PTPRB: variants seen among roughly 807,000 people sequenced by gnomAD.
PTPRB encodes the protein protein tyrosine phosphatase receptor type B.
A neutral mutation model predicts 238.1 loss-of-function variants in PTPRB; 97 were observed. The observed-to-expected ratio is 0.41, with a 90% CI of 0.35 to 0.48. The LOEUF is 0.48. Ranked by LOEUF, PTPRB falls within the 20% of genes least tolerant of loss-of-function variation. PTPRB has a pLI of 0.30. For synonymous variants in PTPRB, 970 were observed against 995.4 expected, an observed-to-expected ratio of 0.97 and a Z score of 0.48; for missense variants, 2,292 against 2,681.9, an observed-to-expected ratio of 0.85 and a Z score of 3.21.
At chr12:70,588,731 C>T (rs1882191300) in intron 8 of PTPRB, among the ~76,000 whole-genome samples, 1 of 151,858 alleles carries the variant, frequency 6.6e-6, no homozygotes, top group Non-Finnish European at 1.5e-5. Context: ...GGTAGGCGGA[C>T]TGCTTGAGGC....
At position 70,519,104 on chromosome 12, in the gene PTPRB, A is replaced by G. The variant is rs545197056; in HGVS notation, c.*2385T>C. ...GAAGGTTTAAAATTAGGTGTAGGGT[A>G]GGAATAAACATTTCCTGGGTTGGAT... is the stretch of plus-strand genomic sequence containing the variant. On this transcript the variant is annotated 3_prime_UTR_variant, in exon 34 of 34. Transcript: ENST00000334414. 9 of 152,320 alleles carry G rather than the reference A, an allele frequency of 5.9e-5. No homozygotes were observed. Among genetic ancestry groups the G allele is most frequent in the Admixed American group, 5.9e-4 (9 of 15,290 alleles). 9.4% of individuals were successfully genotyped at this position (152,320 alleles called of 1,614,324 possible).
intron 31 of PTPRB, 44 bp from the exon 32 acceptor site, chr12:70,532,214 T>G: frequency 6.5e-7 from 1 of 1,529,980 alleles, no homozygotes; most frequent in Non-Finnish European, 8.8e-7. Flanking sequence ...TTATTAAATT[T>G]GCCTTTCAAG....
intron 14 of PTPRB, among the ~76,000 whole-genome samples, chr12:70,568,366 C>T (rs1270068319): frequency 6.6e-6 from 1 of 152,254 alleles, no homozygotes; most frequent in African/African-American, 2.4e-5. Context: ...GGCATGATCT[C>T]AGCTCACTGC....
chr12:70,622,353 G>A (rs774603265), intron 3 of PTPRB, 37 bp downstream of exon 3: 19 of 1,603,550 alleles, frequency 1.2e-5, no homozygotes, highest in East Asian at 2.2e-5. Context: ...CTCCTGAGAC[G>A]TGCACAGACC....
chr12:70,585,897 T>C (rs1207055216), intron 9 of PTPRB, among the ~76,000 whole-genome samples: 1 of 152,078 alleles, frequency 6.6e-6, no homozygotes, highest in Admixed American at 6.6e-5. Context: ...ACATGTGGTG[T>C]TTGATTTTCT....
intron 11 of PTPRB, 89 bp from the exon 12 acceptor site, chr12:70,572,176 G>T: frequency 2.3e-6 from 3 of 1,287,404 alleles, no homozygotes; most frequent in South Asian, 2.8e-5. Flanking sequence ...TAAAAAGAGA[G>T]AGTAGATTAT....
intron 2 of PTPRB, among the ~76,000 whole-genome samples, chr12:70,634,934 T>A (rs73328166): frequency 2.8e-3 from 425 of 152,356 alleles, no homozygotes; most frequent in African/African-American, 9.6e-3. Flanking sequence ...CACAATTGCA[T>A]GATTAACTTC....
intron 23 of PTPRB, chr12:70,540,367 G>GA (rs561713994): frequency 1.6e-3 from 349 of 221,924 alleles, no homozygotes; most frequent in African/African-American, 7.4e-3. Context: ...GCCAAATTAA[G>GA]AAAAAAAATT....
chr12:70,522,276 A>T (rs1400134296), intron 33 of PTPRB, among the ~76,000 whole-genome samples: 1 of 152,198 alleles, frequency 6.6e-6, no homozygotes, highest in Non-Finnish European at 1.5e-5. Flanking sequence ...ATACCAGTCC[A>T]CATGGCAAGG....
chr12:70,563,106 G>A lies in PTPRB; in HGVS notation c.3906C>T (p.Val1302=). The A allele has an allele frequency of 1.9e-6, 3 of 1,610,670 alleles. No individual in the cohort carries two copies. The highest frequency in any genetic ancestry group is 2.5e-6 in the Non-Finnish European group (3 of 1,177,924). Residue 1302 remains valine (V), a splice_region_variant and synonymous_variant, in exon 16 of 34, where the codon GTC becomes GTT. Transcript: ENST00000334414. ...SKEAQTEGRT[V]PAAVTDLRIT... ...TCCTCAGGTCGGTGACAGCTGCTGG[G>A]ACTGGAAAAGTCGAGGAGCAAGAGA...
chr12:70,530,970 G>T (rs766044554), intron 32 of PTPRB, among the ~76,000 whole-genome samples: 1 of 152,216 alleles, frequency 6.6e-6, no homozygotes, highest in Non-Finnish European at 1.5e-5. Flanking sequence ...CCCAGCCCAG[G>T]ACAATAGTGG....
intron 10 of PTPRB, among the ~76,000 whole-genome samples, chr12:70,577,210 C>A (rs570969371): frequency 1.1e-4 from 16 of 152,246 alleles, no homozygotes; most frequent in Admixed American, 9.2e-4. Flanking sequence ...GCATTTCCTG[C>A]CCTCTAGTGG....
intron 1 of PTPRB, among the ~76,000 whole-genome samples, chr12:70,637,049 T>C (rs1356138257): frequency 6.6e-6 from 1 of 152,206 alleles, no homozygotes; most frequent in Non-Finnish European, 1.5e-5. Context: ...CAGACTGTTA[T>C]ATAATAATAC....
chr12:70,615,426 G>T (rs1379830218), intron 3 of PTPRB, among the ~76,000 whole-genome samples: 1 of 152,158 alleles, frequency 6.6e-6, no homozygotes, highest in Admixed American at 6.5e-5. Context: ...TGTCTCTCTA[G>T]AACACATCTC....
At position 70,598,420 on chromosome 12, in the gene PTPRB, T is replaced by C. The variant is rs1020835470; in HGVS notation, c.980-2093A>G. Among the ~76,000 whole-genome samples the C allele has an allele frequency of 2.6e-5, 4 of 152,214 alleles. No individual in the cohort carries two copies. In the South Asian group the frequency reaches 8.3e-4, roughly 31 times the overall value. On this transcript the variant is annotated intron_variant, in intron 4 of 33. Coordinates refer to ENST00000334414, the MANE Select transcript of PTPRB (RefSeq NM_001109754.4). ...TTGCCACAGAAGCAGTGAAATGTAA[T>C]GGCAGACAGCATGGGCTTTGGAGTC... is the stretch of plus-strand genomic sequence containing the variant.
chr12:70,544,321 A>AT (rs1209547095), intron 22 of PTPRB, among the ~76,000 whole-genome samples: 1 of 152,186 alleles, frequency 6.6e-6, no homozygotes, highest in Admixed American at 6.5e-5. Flanking sequence ...AAAATAATTC[A>AT]TTTTTAATAG....
At chr12:70,579,776 A>G (rs1881184105) in intron 10 of PTPRB, among the ~76,000 whole-genome samples, 1 of 151,892 alleles carries the variant, frequency 6.6e-6, no homozygotes, top group African/African-American at 2.4e-5. Flanking sequence ...TACACCAGTG[A>G]ATTTCTACCA....
In PTPRB at chr12:70,569,947, G is replaced by T. The variant is rs559911258; in HGVS notation, c.3371-9C>A. 1 of 1,595,130 alleles carries T rather than the reference G, an allele frequency of 6.3e-7. No homozygotes were observed. Among genetic ancestry groups the T allele is most frequent in the East Asian group, 2.2e-5 (1 of 44,690 alleles). Reference sequence around the variant, plus strand: ...TTTGACAGCACTAGGAACTAAAACAGAAAATAAATTTAAAAGTCATCACTT... The same window carrying T: ...TTTGACAGCACTAGGAACTAAAACATAAAATAAATTTAAAAGTCATCACTT... On this transcript the variant is annotated splice_polypyrimidine_tract_variant and intron_variant, in intron 13 of 33. Transcript: ENST00000334414.
rs138831765 is a variant in PTPRB at position 70,635,035 on chromosome 12, T to A, written c.451+636A>T. Among the ~76,000 whole-genome samples, 118 of 152,322 alleles carry A rather than the reference T, an allele frequency of 7.7e-4. 1 individual carries two copies. The highest frequency in any genetic ancestry group is 1.4e-3 in the Non-Finnish European group (97 of 68,034). On this transcript the variant is annotated intron_variant, in intron 2 of 33. Coordinates refer to ENST00000334414, the MANE Select transcript of PTPRB (RefSeq NM_001109754.4). ...CCTGCACCAGGAGCTTGCACATGTG[T>A]ATAACATATTTTCTACATGTGTCCA...
Sources: allele counts gnomAD v4.1 joint callset (sites outside exome capture counted in the v4.1 genomes callset), GRCh38; gene constraint gnomAD v4.1.1; transcripts MANE v1.5; gene names NCBI Gene and HGNC (gene_info 2026-07-23, HGNC 2026-07-21).